The following MAGI2 variants were observed in gnomAD, a reference collection of about 807,000 sequenced individuals.
MAGI2 encodes membrane-associated guanylate kinase, WW and PDZ domain-containing protein 2.
A neutral mutation model predicts 133.3 loss-of-function variants in MAGI2; 35 were observed. The observed-to-expected ratio is 0.26, with a 90% CI of 0.20 to 0.35. The LOEUF is 0.35. MAGI2 is among the 10% of genes least tolerant of loss of function. The probability of loss-of-function intolerance (pLI) is 1.00; values close to 1 mark genes in which losing one functional copy is unlikely to be tolerated. For missense variants in MAGI2, 1,636 were observed against 1,863.4 expected (o/e 0.88, Z 2.25); for synonymous variants, 729 against 710.6 (o/e 1.03, Z -0.41).
intron 9 of MAGI2, among the ~76,000 whole-genome samples, chr7:78,324,506 G>T (rs1331656945): frequency 6.6e-6 from 1 of 152,032 alleles, no homozygotes; most frequent in Non-Finnish European, 1.5e-5. Context: ...TTCTTTATTT[G>T]TAAAATAATT....
intron 1 of MAGI2, among the ~76,000 whole-genome samples, chr7:79,098,792 A>G (rs1817725316): frequency 6.6e-6 from 1 of 152,238 alleles, no homozygotes; most frequent in Admixed American, 6.5e-5. Context: ...TGTTTGAGAC[A>G]TGAAATAAAT....
chr7:78,333,696 C>T (rs1789464312), intron 9 of MAGI2, among the ~76,000 whole-genome samples: 3 of 152,178 alleles, frequency 2.0e-5, no homozygotes, highest in Admixed American at 2.0e-4. Context: ...TGGAGCAATG[C>T]CTGGCAAGAT....
intron 4 of MAGI2, among the ~76,000 whole-genome samples, chr7:78,520,261 G>A (rs1158414170): frequency 1.3e-5 from 2 of 152,060 alleles, no homozygotes; most frequent in Non-Finnish European, 2.9e-5. Flanking sequence ...TTCATCTTAT[G>A]TTCAATGAAG....
At position 79,289,703 on chromosome 7, in the gene MAGI2, C is replaced by T. The variant is rs185674367; in HGVS notation, c.301+163317G>A. On this transcript the variant is annotated intron_variant, in intron 1 of 21. Transcript: ENST00000354212. ...TAGGGCAGGGAGCTCATCCACTTCT[C>T]GAGATAATCTCACTAGAAAATTGAT... Among the ~76,000 whole-genome samples the T allele has an allele frequency of 1.0e-3, 152 of 152,212 alleles. 1 individual carries two copies. The highest frequency in any genetic ancestry group is 3.4e-3 in the Middle Eastern group (1 of 294).
intron 11 of MAGI2, among the ~76,000 whole-genome samples, chr7:78,200,583 A>G (rs757353145): frequency 3.9e-5 from 6 of 152,144 alleles, no homozygotes; most frequent in Non-Finnish European, 8.8e-5. Context: ...GTGTGTGTGT[A>G]TATGTATATA....
intron 1 of MAGI2, among the ~76,000 whole-genome samples, chr7:79,171,770 A>ATATATTTTTTT: frequency 4.2e-4 from 13 of 31,216 alleles, no homozygotes; most frequent in Non-Finnish European, 6.7e-4. Context: ...ATATATATAT[A>ATATATTTTTTT]TTTTTTTTTT....
At chr7:78,804,189 A>G (rs923042041) in intron 2 of MAGI2, among the ~76,000 whole-genome samples, 2 of 151,328 alleles carry the variant, frequency 1.3e-5, no homozygotes, top group African/African-American at 4.8e-5. Context: ...GTGCAGTCTG[A>G]GTCAGTGACT....
chr7:79,319,019 G>T (rs950294185), intron 1 of MAGI2, among the ~76,000 whole-genome samples: 1 of 152,100 alleles, frequency 6.6e-6, no homozygotes, highest in Non-Finnish European at 1.5e-5. Flanking sequence ...CTGTATCTCA[G>T]ATTTACTATA....
At chr7:78,390,659 G>A (rs558946126) in intron 6 of MAGI2, among the ~76,000 whole-genome samples, 1 of 151,980 alleles carries the variant, frequency 6.6e-6, no homozygotes, top group South Asian at 2.1e-4. Context: ...TGGAGGGGAA[G>A]CTACTCTATA....
chr7:78,923,587 A>G lies in MAGI2; in HGVS notation c.418+83503T>C, dbSNP rs944782199. Among the ~76,000 whole-genome samples, 3 of 151,902 alleles carry G rather than the reference A, an allele frequency of 2.0e-5. No individual in the cohort carries two copies. The East Asian group carries it at 5.8e-4, about 29-fold the overall frequency. On this transcript the variant is annotated intron_variant, in intron 2 of 21. Transcript: ENST00000354212. ...TTGGTACCAGTACCATGCTGTTTTG[A>G]TTATTATAGCCTTGTAGTATAGTTT...
intron 2 of MAGI2, among the ~76,000 whole-genome samples, chr7:78,633,131 T>C (rs919344376): frequency 1.3e-5 from 2 of 152,180 alleles, no homozygotes; most frequent in Non-Finnish European, 2.9e-5. Context: ...CTTAGCAAAC[T>C]AATGGACGAA....
chr7:78,088,202 T>C (rs1816829835), intron 20 of MAGI2, among the ~76,000 whole-genome samples: 1 of 152,258 alleles, frequency 6.6e-6, no homozygotes, highest in African/African-American at 2.4e-5. Flanking sequence ...ATCAGATACA[T>C]TTATTTTCTG....
intron 10 of MAGI2, among the ~76,000 whole-genome samples, chr7:78,232,429 C>T (rs1305731128): frequency 6.6e-6 from 1 of 152,100 alleles, no homozygotes; most frequent in Non-Finnish European, 1.5e-5. Flanking sequence ...TACATGTGAG[C>T]AAGGCTATTT....
intron 10 of MAGI2, among the ~76,000 whole-genome samples, chr7:78,230,811 C>G (rs926019630): frequency 2.0e-5 from 3 of 152,194 alleles, no homozygotes; most frequent in Admixed American, 6.5e-5. Flanking sequence ...CTGGCTGTCT[C>G]AGAAGTTGAC....
chr7:79,296,527 T>C (rs1012877603), intron 1 of MAGI2, among the ~76,000 whole-genome samples: 2 of 152,148 alleles, frequency 1.3e-5, no homozygotes, highest in African/African-American at 4.8e-5. Flanking sequence ...AATCCTATCA[T>C]TTGTGGCAAC....
At chr7:78,400,027 G>C (rs1050491915) in intron 6 of MAGI2, among the ~76,000 whole-genome samples, 1 of 152,034 alleles carries the variant, frequency 6.6e-6, no homozygotes, top group South Asian at 2.1e-4. Flanking sequence ...AAGTAAAAAA[G>C]ACAGTAACCT....
intron 1 of MAGI2, among the ~76,000 whole-genome samples, chr7:79,303,212 T>C (rs1043405934): frequency 1.3e-5 from 2 of 152,278 alleles, no homozygotes; most frequent in African/African-American, 4.8e-5. Flanking sequence ...ATGTACACTA[T>C]TCAGGTGACC....
intron 2 of MAGI2, among the ~76,000 whole-genome samples, chr7:78,628,571 C>T (rs1038732587): frequency 4.6e-5 from 7 of 151,726 alleles, no homozygotes; most frequent in Non-Finnish European, 1.0e-4. Flanking sequence ...TGAATAATTC[C>T]TATTGAAAAC....
intron 3 of MAGI2, among the ~76,000 whole-genome samples, chr7:78,623,844 C>A (rs527248352): frequency 1.3e-4 from 20 of 152,088 alleles, no homozygotes. Context: ...AAAGTTGTAA[C>A]GGAGCTGAAA....
Sources: gnomAD v4.1 joint callset for allele counts (sites outside exome capture counted in the v4.1 genomes callset) on GRCh38, gnomAD v4.1.1 for gene constraint, MANE v1.5 for transcripts, NCBI Gene and HGNC (gene_info 2026-07-23, HGNC 2026-07-21) for gene names.